DPP6: variants seen among roughly 807,000 people sequenced by gnomAD.
DPP6 encodes the protein dipeptidyl peptidase like 6.
Under a neutral mutation model 122.6 loss-of-function variants are expected in DPP6, and 69 were observed. The observed-to-expected ratio is 0.56, with a 90% CI of 0.46 to 0.69. The LOEUF (loss-of-function observed/expected upper bound fraction) is 0.69. Ranked by LOEUF, DPP6 falls within the 30% of genes least tolerant of loss-of-function variation. The pLI is 0.00. For missense variants in DPP6, 928 were observed against 1,116.9 expected (o/e 0.83, Z 2.41); for synonymous variants, 418 against 433.1 (o/e 0.97, Z 0.43).
chr7:153,958,563 G>A (rs1360032295), intron 1 of DPP6, among the ~76,000 whole-genome samples: 1 of 152,130 alleles, frequency 6.6e-6, no homozygotes, highest in African/African-American at 2.4e-5. Context: ...GCCAAGAGCT[G>A]AGGGTTTTGC....
chr7:154,384,788 C>T (rs1813941597), intron 1 of DPP6, among the ~76,000 whole-genome samples: 1 of 140,236 alleles, frequency 7.1e-6, no homozygotes, highest in South Asian at 2.2e-4. Flanking sequence ...GGTGACATTT[C>T]TCACAATAGC....
intron 7 of DPP6, among the ~76,000 whole-genome samples, chr7:154,721,340 ACC>A (rs1841796155): frequency 6.6e-6 from 1 of 152,054 alleles, no homozygotes; most frequent in African/African-American, 2.4e-5. Context: ...CCCCTGACCC[ACC>A]AGCTGCTGGG....
intron 1 of DPP6, among the ~76,000 whole-genome samples, chr7:154,127,905 G>A (rs1437246256): frequency 6.6e-6 from 1 of 151,404 alleles, no homozygotes; most frequent in Non-Finnish European, 1.5e-5. Flanking sequence ...CATGAGGTTG[G>A]TTCTACCTCA....
chr7:154,445,879 G>A (rs1362255362), intron 1 of DPP6, among the ~76,000 whole-genome samples: 1 of 152,188 alleles, frequency 6.6e-6, no homozygotes, highest in African/African-American at 2.4e-5. Flanking sequence ...TGTGAAGAAG[G>A]AAAGCTCCAA....
At chr7:154,702,011 C>T (rs535383524) in intron 7 of DPP6, among the ~76,000 whole-genome samples, 2 of 152,352 alleles carry the variant, frequency 1.3e-5, no homozygotes, top group South Asian at 2.1e-4. Context: ...CACATGTTCA[C>T]TTTGCATCTC....
At chr7:154,327,086 T>C (rs1808509148) in intron 1 of DPP6, among the ~76,000 whole-genome samples, 2 of 152,060 alleles carry the variant, frequency 1.3e-5, no homozygotes, top group African/African-American at 4.8e-5. Context: ...CTGCTTGGTG[T>C]CTGGTTCCCA....
At chr7:154,281,849 T>C (rs1563410993) in intron 1 of DPP6, among the ~76,000 whole-genome samples, 2 of 152,208 alleles carry the variant, frequency 1.3e-5, no homozygotes, top group African/African-American at 4.8e-5. Context: ...TGCAGTAGAC[T>C]GCATCTTGCT....
chr7:153,956,619 C>A (rs1802473299), intron 1 of DPP6, among the ~76,000 whole-genome samples: 1 of 152,136 alleles, frequency 6.6e-6, no homozygotes, highest in South Asian at 2.1e-4. Flanking sequence ...CATTTTTCAG[C>A]AGGACCCAAA....
At chr7:154,446,416 A>G (rs1819879152) in intron 2 of DPP6, 88 bp downstream of exon 2, 3 of 781,776 alleles carry the variant, frequency 3.8e-6, no homozygotes, top group Non-Finnish European at 6.0e-6. Context: ...GTAACTACCT[A>G]TTACATAATT....
At chr7:154,431,308 G>A (rs897356835) in intron 1 of DPP6, among the ~76,000 whole-genome samples, 12 of 151,912 alleles carry the variant, frequency 7.9e-5, no homozygotes, top group Admixed American at 2.6e-4. Context: ...GCTTCCCTGC[G>A]CCACTCCCCA....
At chr7:154,032,246 A>G (rs868791349) in intron 1 of DPP6, among the ~76,000 whole-genome samples, 7 of 152,258 alleles carry the variant, frequency 4.6e-5, no homozygotes, top group Middle Eastern at 3.4e-3. Context: ...TGAGCTAGGC[A>G]GATAACTGGG....
At chr7:154,135,493 T>C (rs1360602226) in intron 1 of DPP6, among the ~76,000 whole-genome samples, 1 of 152,188 alleles carries the variant, frequency 6.6e-6, no homozygotes, top group Non-Finnish European at 1.5e-5. Flanking sequence ...TTCCTATCTG[T>C]GCACTTCCTG....
intron 1 of DPP6, among the ~76,000 whole-genome samples, chr7:154,299,225 C>T (rs374395728): frequency 1.1e-4 from 16 of 152,230 alleles, no homozygotes; most frequent in African/African-American, 2.4e-4. Context: ...GGGTTGCCCA[C>T]GGCTCCTTGC....
intron 3 of DPP6, among the ~76,000 whole-genome samples, chr7:154,515,141 G>T (rs1363601499): frequency 1.3e-5 from 2 of 152,208 alleles, no homozygotes; most frequent in African/African-American, 2.4e-5. Context: ...AGTTATTTCT[G>T]TGTGAGAGTC....
chr7:154,294,733 A>G (rs1242785342), intron 1 of DPP6, among the ~76,000 whole-genome samples: 1 of 152,068 alleles, frequency 6.6e-6, no homozygotes, highest in Non-Finnish European at 1.5e-5. Flanking sequence ...CAGACAGGGG[A>G]CAACTCCAGA....
chr7:154,552,286 G>A (rs1002657547), intron 4 of DPP6, among the ~76,000 whole-genome samples: 3 of 152,178 alleles, frequency 2.0e-5, no homozygotes, highest in East Asian at 1.9e-4. Context: ...AAGTGCTTTC[G>A]CCCCAAACCT....
At chr7:154,358,676 C>G (rs1051644407) in intron 1 of DPP6, among the ~76,000 whole-genome samples, 3 of 152,148 alleles carry the variant, frequency 2.0e-5, no homozygotes, top group African/African-American at 7.2e-5. Flanking sequence ...ATACTCATTA[C>G]TAATATTGAT....
rs973556076 is a variant in DPP6 at position 154,070,347 on chromosome 7, C to G, written c.243+17284C>G. Among the ~76,000 whole-genome samples, 16 of 151,800 alleles carry G rather than the reference C, an allele frequency of 1.1e-4. No individual in the cohort carries two copies. The South Asian group carries it at 1.9e-3, about 18-fold the overall frequency. ...TTATATGGAAGAAAACCTTAAGCCT[C>G]GGTTTGATTTTCTCCTTTAAAAAGT... On this transcript the variant is annotated intron_variant, in intron 1 of 25. Coordinates refer to ENST00000377770, the MANE Select transcript of DPP6 (RefSeq NM_130797.4).
At chr7:154,594,745 C>G (rs1265155688) in intron 5 of DPP6, among the ~76,000 whole-genome samples, 5 of 152,140 alleles carry the variant, frequency 3.3e-5, no homozygotes, top group Admixed American at 6.5e-5. Flanking sequence ...AGTAAACGAT[C>G]AAGGACAAGT....
Sources: allele counts gnomAD v4.1 joint callset (sites outside exome capture counted in the v4.1 genomes callset), GRCh38; gene constraint gnomAD v4.1.1; transcripts MANE v1.5; gene names NCBI Gene and HGNC (gene_info 2026-07-23, HGNC 2026-07-21).